The following SGCZ variants were observed in gnomAD, a reference collection of about 807,000 sequenced individuals.
SGCZ encodes the protein sarcoglycan zeta.
Under a neutral mutation model 41.3 loss-of-function variants are expected in SGCZ, and 40 were observed. The ratio of observed to expected loss-of-function variants is 0.97; its 90% confidence interval spans 0.75 to 1.26. SGCZ has a LOEUF of 1.26. Among genes scored for constraint, SGCZ ranks in the 50% most tolerant of loss-of-function variants. SGCZ has a pLI of 0.00. For synonymous variants in SGCZ, 206 were observed against 137.5 expected, an observed-to-expected ratio of 1.50 and a Z score of -3.49; for missense variants, 552 against 369.8, an observed-to-expected ratio of 1.49 and a Z score of -4.04.
At position 14,257,737 on chromosome 8, in the gene SGCZ, G is replaced by C. The variant is rs190095583; in HGVS notation, c.337-20058C>G. Among the ~76,000 whole-genome samples, 38 of 151,600 alleles carry C rather than the reference G, an allele frequency of 2.5e-4. No homozygotes were observed. The East Asian group carries it at 6.6e-3, about 26-fold the overall frequency. On this transcript the variant is annotated intron_variant, in intron 3 of 7. Coordinates refer to ENST00000382080, the MANE Select transcript of SGCZ (RefSeq NM_139167.4). ...TATGAGTGAGAACATGTGGTGTTTG[G>C]TTTTTTGTCCTTGCGATAGTTTGCT...
At chr8:14,309,440 T>A (rs1482467288) in intron 3 of SGCZ, 68 of 1,606,566 alleles carry the variant, frequency 4.2e-5, no homozygotes, top group Non-Finnish European at 5.6e-5. Flanking sequence ...TATTGGACAA[T>A]CTTCTGATGA....
intron 1 of SGCZ, among the ~76,000 whole-genome samples, chr8:14,725,952 A>G (rs1243527589): frequency 6.6e-6 from 1 of 152,054 alleles, no homozygotes; most frequent in Non-Finnish European, 1.5e-5. Flanking sequence ...TTTTTCACTT[A>G]TTAAAGTAAA....
intron 1 of SGCZ, among the ~76,000 whole-genome samples, chr8:14,839,055 C>T (rs1563306118): frequency 6.6e-6 from 1 of 152,226 alleles, no homozygotes; most frequent in South Asian, 2.1e-4. Flanking sequence ...AAGAATAATG[C>T]TGGCAAGAAT....
chr8:14,206,813 T>C (rs894373842), intron 4 of SGCZ, among the ~76,000 whole-genome samples: 1 of 152,170 alleles, frequency 6.6e-6, no homozygotes, highest in African/African-American at 2.4e-5. Context: ...GCCCTATCTC[T>C]GTCATTTTAG....
intron 1 of SGCZ, among the ~76,000 whole-genome samples, chr8:14,606,279 T>C (rs2117326281): frequency 6.6e-6 from 1 of 152,314 alleles, no homozygotes; most frequent in Non-Finnish European, 1.5e-5. Context: ...TATGCCACTT[T>C]CTTGCTTCAT....
At chr8:14,714,042 A>C (rs542247784) in intron 1 of SGCZ, among the ~76,000 whole-genome samples, 5 of 152,254 alleles carry the variant, frequency 3.3e-5, no homozygotes, top group African/African-American at 7.2e-5. Context: ...ATCTCAGCTC[A>C]CTACAACCTC....
At chr8:14,459,059 C>T (rs1472757862) in intron 2 of SGCZ, among the ~76,000 whole-genome samples, 1 of 152,174 alleles carries the variant, frequency 6.6e-6, no homozygotes, top group Non-Finnish European at 1.5e-5. Flanking sequence ...TGGATTATAA[C>T]TCATAAATGT....
intron 1 of SGCZ, among the ~76,000 whole-genome samples, chr8:14,996,739 C>T (rs1278809731): frequency 6.6e-6 from 1 of 152,210 alleles, no homozygotes; most frequent in East Asian, 1.9e-4. Context: ...CTTCCAAGGT[C>T]TTGGTTGTCC....
intron 1 of SGCZ, among the ~76,000 whole-genome samples, chr8:14,604,215 G>A (rs1038272938): frequency 6.6e-6 from 1 of 152,026 alleles, no homozygotes; most frequent in African/African-American, 2.4e-5. Context: ...TTATAGAAGA[G>A]GCTTCTTCTT....
At chr8:15,207,177 G>T (rs1801095208) in intron 1 of SGCZ, among the ~76,000 whole-genome samples, 1 of 152,152 alleles carries the variant, frequency 6.6e-6, no homozygotes, top group African/African-American at 2.4e-5. Flanking sequence ...AGCAGAAAAA[G>T]CTGTTTTTTT....
At chr8:14,509,631 G>A (rs1451936410) in intron 2 of SGCZ, among the ~76,000 whole-genome samples, 1 of 152,094 alleles carries the variant, frequency 6.6e-6, no homozygotes, top group Non-Finnish European at 1.5e-5. Flanking sequence ...AAGGTGAGAT[G>A]GATGTAGAGG....
chr8:14,227,210 A>T (rs1206656791), intron 4 of SGCZ, among the ~76,000 whole-genome samples: 1 of 152,146 alleles, frequency 6.6e-6, no homozygotes, highest in African/African-American at 2.4e-5. Context: ...TACGTTCAAT[A>T]ATCTTTGTAG....
intron 2 of SGCZ, among the ~76,000 whole-genome samples, chr8:14,464,296 T>G (rs1800985569): frequency 6.6e-6 from 1 of 151,552 alleles, no homozygotes; most frequent in Non-Finnish European, 1.5e-5. Flanking sequence ...TCAATCTTCT[T>G]ATCAGTTATA....
chr8:14,437,453 C>T (rs1016664008), intron 2 of SGCZ, among the ~76,000 whole-genome samples: 15 of 152,168 alleles, frequency 9.9e-5, no homozygotes, highest in Middle Eastern at 3.4e-3. Context: ...ATCTATTAAG[C>T]ATACATTAAA....
chr8:14,702,487 T>C (rs1487394471), intron 1 of SGCZ, among the ~76,000 whole-genome samples: 1 of 151,808 alleles, frequency 6.6e-6, no homozygotes, highest in Non-Finnish European at 1.5e-5. Context: ...CCTCTAGACT[T>C]CCACACTGGT....
chr8:14,251,266 A>G (rs1487507846), intron 3 of SGCZ, among the ~76,000 whole-genome samples: 1 of 152,180 alleles, frequency 6.6e-6, no homozygotes, highest in Non-Finnish European at 1.5e-5. Flanking sequence ...AACGAAAGAC[A>G]TACTCAAAGG....
rs1195313070 is a variant in SGCZ, at chr8:14,672,223, T to C, written c.40-117297A>G. On this transcript the variant is annotated intron_variant, in intron 1 of 7. Coordinates refer to ENST00000382080, the MANE Select transcript of SGCZ (RefSeq NM_139167.4). ...AACTATGACCACATTTTGAAAGCTATTTTATCTAGTTATTTAAAATATATA... is the reference window on the plus strand; with the variant it reads ...AACTATGACCACATTTTGAAAGCTACTTTATCTAGTTATTTAAAATATATA... 2.6e-5 allele frequency among the ~76,000 whole-genome samples: 4 copies of C among 152,264 alleles called. No homozygotes were observed. In the East Asian group the frequency reaches 7.7e-4, roughly 29 times the overall value.
At chr8:14,897,490 A>G (rs1314964634) in intron 1 of SGCZ, among the ~76,000 whole-genome samples, 1 of 152,158 alleles carries the variant, frequency 6.6e-6, no homozygotes, top group East Asian at 1.9e-4. Context: ...CTGTTCTCAC[A>G]GGATTCTTTC....
At chr8:14,328,070 G>A (rs570685719) in intron 2 of SGCZ, among the ~76,000 whole-genome samples, 5 of 151,934 alleles carry the variant, frequency 3.3e-5, no homozygotes, top group Non-Finnish European at 7.4e-5. Flanking sequence ...TTCCTGTCTT[G>A]TATGAAAAAA....
Sources: gnomAD v4.1 joint callset for allele counts (sites outside exome capture counted in the v4.1 genomes callset) on GRCh38, gnomAD v4.1.1 for gene constraint, MANE v1.5 for transcripts, NCBI Gene and HGNC (gene_info 2026-07-23, HGNC 2026-07-21) for gene names.